PREX2: variants seen among roughly 807,000 people sequenced by gnomAD.
PREX2 encodes phosphatidylinositol-3,4,5-trisphosphate dependent Rac exchange factor 2.
Under a neutral mutation model 203.2 loss-of-function variants are expected in PREX2, and 107 were observed. The ratio of observed to expected loss-of-function variants is 0.53; its 90% CI spans 0.45 to 0.62. The LOEUF (loss-of-function observed/expected upper bound fraction) is 0.62, where lower values mean the gene tolerates loss of function less well. Among genes scored for constraint, PREX2 ranks in the 20% least tolerant of loss-of-function variants. The pLI is 0.00. For missense variants in PREX2, 1,777 were observed against 1,955.9 expected (o/e 0.91, Z 1.72); for synonymous variants, 672 against 663.6 (o/e 1.01, Z -0.19).
chr8:68,056,082 T>C (rs1006066489), intron 10 of PREX2, 108 bp downstream of exon 10: 2 of 1,137,068 alleles, frequency 1.8e-6, no homozygotes, highest in African/African-American at 1.6e-5. Flanking sequence ...TAGGCACTTT[T>C]GAAAACTTCT....
chr8:68,144,463 T>C (rs1563564147), intron 33 of PREX2, among the ~76,000 whole-genome samples: 1 of 152,212 alleles, frequency 6.6e-6, no homozygotes, highest in Non-Finnish European at 1.5e-5. Flanking sequence ...TAAATGGTAT[T>C]ATGTTGTTAA....
At position 68,134,306 on chromosome 8, in the gene PREX2, G is replaced by C. The variant is rs1459149948; in HGVS notation, c.3984+30G>C. On this transcript the variant is annotated intron_variant, in intron 32 of 39. Coordinates refer to ENST00000288368, the MANE Select transcript of PREX2 (RefSeq NM_024870.4). ...GGAAATCACATGACTCCCACTGTCT[G>C]TGTCAACTGTAACCTGCACTGTAAC... 2.0e-6 allele frequency: 3 copies of C among 1,531,128 alleles called. No homozygotes were observed. In the South Asian group the frequency reaches 3.4e-5, roughly 17 times the overall value. 94.8% of individuals were successfully genotyped at this position (1,531,128 alleles called of 1,614,324 possible). A position where few individuals can be genotyped will look rare whatever the true frequency, so the allele number is the denominator to read the frequency against.
rs141180683 is a variant in PREX2, at chr8:68,008,779, A to G, written c.142-9067A>G. ...AGATCTGATGGTTTTATAAAGGGGA[A>G]TTCCCCTGCACATGCTGTCTTGCCT... is the stretch of plus-strand genomic sequence containing the variant. On this transcript the variant is annotated intron_variant, in intron 1 of 39. Transcript: ENST00000288368. Among the ~76,000 whole-genome samples, 1,219 of 152,082 alleles carry G rather than the reference A, an allele frequency of 8.0e-3. 21 individuals carry two copies. Among genetic ancestry groups the G allele is most frequent in the African/African-American group, 0.027 (1,134 of 41,486 alleles).
At chr8:67,983,634 C>T (rs1806332565) in intron 1 of PREX2, among the ~76,000 whole-genome samples, 1 of 152,228 alleles carries the variant, frequency 6.6e-6, no homozygotes, top group South Asian at 2.1e-4. Flanking sequence ...TATCCTCTTC[C>T]TGCCCTCTTC....
intron 6 of PREX2, among the ~76,000 whole-genome samples, chr8:68,034,091 T>G (rs1433045278): frequency 6.6e-6 from 1 of 152,186 alleles, no homozygotes; most frequent in African/African-American, 2.4e-5. Context: ...GTAAGTTGAT[T>G]ATCGAAATTA....
chr8:68,101,274 A>C (rs1426315289), intron 23 of PREX2: 7 of 496,966 alleles, frequency 1.4e-5, no homozygotes, highest in Non-Finnish European at 2.8e-5. Context: ...AGGGACTCAC[A>C]ACATTGGTTA....
chr8:68,217,457 A>G (rs1164084249), intron 37 of PREX2, among the ~76,000 whole-genome samples, 159 bp from the exon 38 acceptor site: 1 of 152,152 alleles, frequency 6.6e-6, no homozygotes, highest in Non-Finnish European at 1.5e-5. Flanking sequence ...TTTATAATCT[A>G]TTTTTAAACT....
intron 37 of PREX2, among the ~76,000 whole-genome samples, chr8:68,215,582 T>C (rs1479790457): frequency 6.6e-6 from 1 of 152,104 alleles, no homozygotes; most frequent in African/African-American, 2.4e-5. Flanking sequence ...TCGCCCAGGC[T>C]TGAATGCAGT....
intron 33 of PREX2, among the ~76,000 whole-genome samples, chr8:68,141,922 G>A (rs1427354115): frequency 6.6e-6 from 1 of 151,958 alleles, no homozygotes. Context: ...CAAATAAAAG[G>A]CAACAATTTT....
chr8:67,968,617 G>A (rs947608275), intron 1 of PREX2, among the ~76,000 whole-genome samples: 12 of 152,170 alleles, frequency 7.9e-5, no homozygotes, highest in Non-Finnish European at 1.0e-4. Flanking sequence ...AGACCTTTCT[G>A]TGGCTCATAC....
chr8:68,064,946 A>G (rs1053751224), intron 11 of PREX2, among the ~76,000 whole-genome samples: 2 of 152,170 alleles, frequency 1.3e-5, no homozygotes, highest in African/African-American at 4.8e-5. Context: ...CTAGAGAGCC[A>G]GTTGTTAAAC....
At position 68,083,290 on chromosome 8, in the gene PREX2, A is replaced by G. The variant is rs778665817; in HGVS notation, c.1929A>G (p.Leu643=). The change falls in exon 18 of 40, where the codon CTA becomes CTG. Residue 643 remains leucine (L), a synonymous_variant. Transcript: ENST00000288368. ...AGATTTTTGCTATTAATGGTGACCT[A>G]GTTTTTATGAGACCTTTCAATGAAG... ...GKKIFAINGD[L]VFMRPFNEVD... 7.5e-6 allele frequency: 12 copies of G among 1,609,476 alleles called. No individual in the cohort carries two copies. The highest frequency in any genetic ancestry group is 8.5e-7 in the Non-Finnish European group (1 of 1,176,876).
In PREX2 at chr8:68,090,635, G is replaced by A. The variant is rs867044170; in HGVS notation, c.2170G>A (p.Gly724Arg). 6.2e-7 allele frequency: 1 copy of A among 1,613,854 alleles called. No individual in the cohort carries two copies. Among genetic ancestry groups the A allele is most frequent in the Admixed American group, 1.7e-5 (1 of 60,014 alleles). Residue 724 changes from glycine to arginine, a missense_variant, in exon 20 of 40, where the codon GGA becomes AGA. Transcript: ENST00000288368. ...HPGQCIIKVNGINVSKETHAS... is the reference protein window; with the variant it reads ...HPGQCIIKVNRINVSKETHAS... ...TGGACAGTGCATTATCAAGGTGAAT[G>A]GAATCAATGTCAGCAAAGAGACACA...
intron 23 of PREX2, chr8:68,106,264 A>T (rs1306734509): frequency 4.0e-6 from 2 of 499,474 alleles, no homozygotes; most frequent in South Asian, 3.0e-5. Context: ...TTTATCCTGC[A>T]ATAACAGTGG....
At chr8:68,099,639 T>C in intron 22 of PREX2, 43 bp from the exon 23 acceptor site, 4 of 1,574,528 alleles carry the variant, frequency 2.5e-6, no homozygotes, top group Non-Finnish European at 2.6e-6. Context: ...TGTCTGTATG[T>C]GTGTTTGTGT....
chr8:68,055,395 A>C (rs1808646113), intron 9 of PREX2, among the ~76,000 whole-genome samples: 1 of 152,142 alleles, frequency 6.6e-6, no homozygotes, highest in South Asian at 2.1e-4. Context: ...CCTTCTGTGA[A>C]ACCTTTCTTA....
At chr8:68,167,653 G>A (rs1451555414) in intron 35 of PREX2, among the ~76,000 whole-genome samples, 1 of 152,006 alleles carries the variant, frequency 6.6e-6, no homozygotes, top group African/African-American at 2.4e-5. Context: ...ATCATGTGCT[G>A]TACTTGCCTT....
chr8:68,053,179 G>A lies in PREX2; in HGVS notation c.1026G>A (p.Met342Ile). The A allele has an allele frequency of 6.2e-7, 1 of 1,613,714 alleles. No homozygotes were observed. The highest frequency in any genetic ancestry group is 1.1e-5 in the South Asian group (1 of 91,060). ...CAAAAAATAAATGGTTTGTTTGTAT[G>A]GCAAAAACACCTGAAGAGAAGCATG... ...NTAKNKWFVCMAKTPEEKHEW... is the reference protein window; with the variant it reads ...NTAKNKWFVCIAKTPEEKHEW... The change falls in exon 9 of 40, where the codon ATG becomes ATA. Residue 342 changes from methionine (M) to isoleucine (I), a missense_variant. Met to Ile is a conservative substitution (Grantham distance 10, BLOSUM62 1). Coordinates refer to ENST00000288368, the MANE Select transcript of PREX2 (RefSeq NM_024870.4).
intron 1 of PREX2, among the ~76,000 whole-genome samples, chr8:67,953,235 A>G (rs534001560): frequency 2.3e-4 from 30 of 130,782 alleles, no homozygotes; most frequent in African/African-American, 8.8e-4. Context: ...CCCTGTTTAC[A>G]TGGCCCATGA....
Sources: gnomAD v4.1 joint callset for allele counts (sites outside exome capture counted in the v4.1 genomes callset) on GRCh38, gnomAD v4.1.1 for gene constraint, MANE v1.5 for transcripts, NCBI Gene and HGNC (gene_info 2026-07-23, HGNC 2026-07-21) for gene names.